The following AXDND1 variants were observed in gnomAD, a reference collection of about 807,000 sequenced individuals.
The protein encoded by AXDND1 is axonemal dynein light chain domain-containing protein 1.
A neutral mutation model predicts 137.5 loss-of-function variants in AXDND1; 110 were observed. The ratio of observed to expected loss-of-function variants is 0.80; its 90% CI spans 0.69 to 0.94. The LOEUF is 0.94. Ranked by LOEUF, AXDND1 falls within the 40% of genes least tolerant of loss-of-function variation. The pLI is 0.00. For missense variants in AXDND1, 1,191 were observed against 1,169.8 expected (o/e 1.02, Z -0.26); for synonymous variants, 414 against 399.7 (o/e 1.04, Z -0.43).
At chr1:179,415,034 T>C (rs1654486334) in intron 12 of AXDND1, among the ~76,000 whole-genome samples, 1 of 152,196 alleles carries the variant, frequency 6.6e-6, no homozygotes, top group African/African-American at 2.4e-5. Context: ...CAATCGATTA[T>C]TCAATTGTTA....
chr1:179,387,476 C>T (rs181141319), intron 9 of AXDND1, among the ~76,000 whole-genome samples: 10 of 152,334 alleles, frequency 6.6e-5, no homozygotes, highest in Non-Finnish European at 1.2e-4. Context: ...AGGTCCACCT[C>T]TTAATACTGT....
intron 18 of AXDND1, among the ~76,000 whole-genome samples, chr1:179,489,732 A>G (rs1666620187): frequency 7.2e-6 from 1 of 138,568 alleles, no homozygotes; most frequent in Non-Finnish European, 1.5e-5. Flanking sequence ...TGGATAGGCT[A>G]CTACTTTTCT....
rs748855561 is a variant in AXDND1, at chr1:179,394,043, G to C, written c.1004G>C (p.Arg335Thr). ...NFKHVIEELT[R>T]ELCLVRAHDV... Reference sequence around the variant, plus strand: ...AAGCATGTTATTGAAGAACTGACCAGGTAAAAACTGTGATTATCTTAAACA... The same window carrying C: ...AAGCATGTTATTGAAGAACTGACCACGTAAAAACTGTGATTATCTTAAACA... The change falls in exon 10 of 26, where the codon AGG becomes ACG. Residue 335 changes from arginine (R) to threonine (T), a missense_variant and splice_region_variant. By Grantham distance (71) the Arg-to-Thr change is moderately conservative. Transcript: ENST00000367618. The C allele has an allele frequency of 2.2e-5, 35 of 1,591,948 alleles. No individual in the cohort carries two copies. Among genetic ancestry groups the C allele is most frequent in the Non-Finnish European group, 3.0e-5 (35 of 1,171,906 alleles).
rs1437690952 is a variant in AXDND1 at position 179,401,443 on chromosome 1, TC to T, written c.1109+6243del. Among the ~76,000 whole-genome samples, 5 of 152,294 alleles carry T rather than the reference TC, an allele frequency of 3.3e-5. No homozygotes were observed. In the East Asian group the frequency reaches 9.6e-4, roughly 29 times the overall value. On this transcript the variant is annotated intron_variant, in intron 11 of 25. Transcript: ENST00000367618. ...TTATATCTCTTTTAATACAGCCTAT[TC>T]CTGTGCTTTCTAAAAAATTGATTGA...
Position 179,491,821 on chromosome 1 carries a change from G to A in AXDND1, c.2291+84G>A, listed in dbSNP as rs368395285. On this transcript the variant is annotated intron_variant, in intron 19 of 25. Transcript: ENST00000367618. ...AAGAGACAGTGAAGTAGTAGCAATA[G>A]GAGTTATTTTAAAACCTTGAAAGAA... 1.6e-5 allele frequency: 19 copies of A among 1,205,464 alleles called. No individual in the cohort carries two copies. In the African/African-American group the frequency reaches 1.7e-4, roughly 11 times the overall value. The allele number at this position is 1,205,464 out of a possible 1,614,324, so 74.7% of individuals were successfully genotyped here.
chr1:179,375,386 G>A (rs1216411411), intron 4 of AXDND1, among the ~76,000 whole-genome samples: 3 of 151,946 alleles, frequency 2.0e-5, no homozygotes, highest in Admixed American at 1.3e-4. Context: ...TTATAGGCGC[G>A]AGCCACCATG....
At chr1:179,542,628 A>G (rs1397687604) in intron 25 of AXDND1, among the ~76,000 whole-genome samples, 1 of 152,244 alleles carries the variant, frequency 6.6e-6, no homozygotes, top group African/African-American at 2.4e-5. Context: ...AGGAAGATAA[A>G]TAAGCAAACC....
chr1:179,412,564 A>G (rs6678667), intron 12 of AXDND1, among the ~76,000 whole-genome samples: 97,518 of 151,734 alleles, frequency 0.64, 31,716 homozygotes, highest in Middle Eastern at 0.7. Context: ...TATACTAGAT[A>G]GTGGAATCAA....
chr1:179,511,393 G>GGGGTGT (rs146749734), intron 21 of AXDND1, among the ~76,000 whole-genome samples: 2,890 of 145,102 alleles, frequency 0.02, 105 homozygotes, highest in African/African-American at 0.069. Flanking sequence ...TGGTATATGG[G>GGGGTGT]GTGTGTGTGT....
chr1:179,506,185 T>A (rs1668522358), intron 20 of AXDND1, among the ~76,000 whole-genome samples: 1 of 152,088 alleles, frequency 6.6e-6, no homozygotes, highest in Non-Finnish European at 1.5e-5. Context: ...CTATCTCTAC[T>A]GTTCCAAGGA....
chr1:179,528,102 C>G (rs1670709535), intron 22 of AXDND1, among the ~76,000 whole-genome samples: 1 of 152,146 alleles, frequency 6.6e-6, no homozygotes, highest in Non-Finnish European at 1.5e-5. Flanking sequence ...GGAAGAAATC[C>G]TCTTTGTTTT....
chr1:179,553,946 TCTGTGG>T (rs1673693544), intron 25 of AXDND1, among the ~76,000 whole-genome samples: 1 of 140,834 alleles, frequency 7.1e-6, no homozygotes, highest in Non-Finnish European at 1.5e-5. Context: ...CGAGTCTCGC[TCTGTGG>T]TCGTGGCTGA....
At position 179,457,149 on chromosome 1, in the gene AXDND1, C is replaced by T. The variant is rs139983759; in HGVS notation, c.1799-11294C>T. ...GCTGCATCCACCTTCTCCGCAGTGG[C>T]ATGTGAGACAAACCCAAAGCCCCTG... On this transcript the variant is annotated intron_variant, in intron 16 of 25. Transcript: ENST00000367618. 8.6e-4 allele frequency: 730 copies of T among 851,618 alleles called. 4 individuals are homozygous for T. In the African/African-American group the frequency reaches 9.1e-3, roughly 11 times the overall value. 52.8% of individuals were successfully genotyped at this position (851,618 alleles called of 1,614,324 possible). A position where few individuals can be genotyped will look rare whatever the true frequency, so the allele number is the denominator to read the frequency against.
chr1:179,402,340 T>A (rs1652228164), intron 11 of AXDND1, among the ~76,000 whole-genome samples: 1 of 152,172 alleles, frequency 6.6e-6, no homozygotes, highest in Non-Finnish European at 1.5e-5. Flanking sequence ...CTTCTATCCT[T>A]ATACCTTCAA....
chr1:179,435,045 A>T (rs531516909), intron 15 of AXDND1, among the ~76,000 whole-genome samples: 2 of 152,172 alleles, frequency 1.3e-5, no homozygotes, highest in Non-Finnish European at 2.9e-5. Context: ...CTATGCACCA[A>T]CAATATACAA....
chr1:179,502,210 T>C (rs1668062389), intron 20 of AXDND1, among the ~76,000 whole-genome samples: 1 of 152,148 alleles, frequency 6.6e-6, no homozygotes, highest in Non-Finnish European at 1.5e-5. Context: ...GCTGCTCAAT[T>C]TCATAAGTGA....
chr1:179,384,894 G>T (rs1030852720), intron 8 of AXDND1, among the ~76,000 whole-genome samples: 1 of 151,800 alleles, frequency 6.6e-6, no homozygotes, highest in Admixed American at 6.6e-5. Flanking sequence ...CTCCCGAGTA[G>T]CTGGGACTAC....
At chr1:179,442,682 T>C (rs1659156670) in intron 15 of AXDND1, among the ~76,000 whole-genome samples, 1 of 152,190 alleles carries the variant, frequency 6.6e-6, no homozygotes, top group Admixed American at 6.5e-5. Flanking sequence ...GGTACCTCTT[T>C]AGGGCACTGA....
At chr1:179,483,863 T>C (rs1160935061) in intron 18 of AXDND1, among the ~76,000 whole-genome samples, 1 of 152,194 alleles carries the variant, frequency 6.6e-6, no homozygotes, top group African/African-American at 2.4e-5. Flanking sequence ...TTAACTCTTA[T>C]TAATATTTAG....
Sources: allele counts gnomAD v4.1 joint callset (sites outside exome capture counted in the v4.1 genomes callset), GRCh38; gene constraint gnomAD v4.1.1; transcripts MANE v1.5; gene names NCBI Gene and HGNC (gene_info 2026-07-23, HGNC 2026-07-21).